The following CSMD2 variants were observed in gnomAD, a reference collection of about 807,000 sequenced individuals.
CSMD2 encodes CUB and sushi domain-containing protein 2.
In CSMD2, 130 loss-of-function variants were observed where a neutral mutation model predicts 398.5. The ratio of observed to expected loss-of-function variants is 0.33; its 90% CI spans 0.28 to 0.38. The LOEUF (loss-of-function observed/expected upper bound fraction) is 0.38. Among genes scored for constraint, CSMD2 ranks in the 10% least tolerant of loss-of-function variants. The pLI is 1.00. For missense variants in CSMD2, 3,829 were observed against 4,764.9 expected, an observed-to-expected ratio of 0.80 and a Z score of 5.78; for synonymous variants, 1,828 against 1,908.5, an observed-to-expected ratio of 0.96 and a Z score of 1.10.
At chr1:34,086,284 G>C (rs1361664946) in intron 2 of CSMD2, among the ~76,000 whole-genome samples, 1 of 152,168 alleles carries the variant, frequency 6.6e-6, no homozygotes, top group Non-Finnish European at 1.5e-5. Flanking sequence ...AAAATCTGAT[G>C]GAGAAGACTG....
intron 37 of CSMD2, among the ~76,000 whole-genome samples, chr1:33,620,279 C>T (rs575056802): frequency 6.6e-6 from 1 of 152,282 alleles, no homozygotes; most frequent in East Asian, 1.9e-4. Flanking sequence ...AAACCATTTG[C>T]CTGTACAATA....
chr1:33,541,946 C>G (rs1238379168), intron 58 of CSMD2, among the ~76,000 whole-genome samples: 4 of 152,162 alleles, frequency 2.6e-5, no homozygotes, highest in Non-Finnish European at 5.9e-5. Context: ...ACACAGGACT[C>G]CTAGGGACAA....
chr1:33,574,258 T>C (rs1020896422), intron 49 of CSMD2, among the ~76,000 whole-genome samples: 3 of 152,016 alleles, frequency 2.0e-5, no homozygotes, highest in Non-Finnish European at 4.4e-5. Context: ...AAAAGGAATC[T>C]CAAAGGGACA....
At chr1:33,539,506 T>C (rs34971911) in intron 60 of CSMD2, among the ~76,000 whole-genome samples, 4,927 of 152,304 alleles carry the variant, frequency 0.032, 133 homozygotes, top group Non-Finnish European at 0.054. Context: ...AAACAGTATG[T>C]ACAGCATGAG....
At chr1:34,041,322 G>T (rs938685705) in intron 2 of CSMD2, among the ~76,000 whole-genome samples, 20 of 152,166 alleles carry the variant, frequency 1.3e-4, no homozygotes, top group African/African-American at 4.8e-4. Flanking sequence ...GCCCAGTGTG[G>T]ACTGAGACCT....
Position 34,139,107 on chromosome 1 carries a change from TCC to T in CSMD2, c.187+25802_187+25803del, listed in dbSNP as rs1233667460. 5.9e-5 allele frequency among the ~76,000 whole-genome samples: 9 copies of T among 152,176 alleles called. No individual in the cohort carries two copies. The East Asian group carries it at 1.7e-3, about 29-fold the overall frequency. ...TACTACCATTTGAATGTTTGTCCCA[TCC>T]AAAACTTGTGCTGAAACTTAATCCC... On this transcript the variant is annotated intron_variant, in intron 1 of 70. Transcript: ENST00000373381.
Position 33,941,987 on chromosome 1 carries a change from C to A in CSMD2, c.518-6033G>T, listed in dbSNP as rs577832467. ...ACAGTGTAAGCTCCATAAGGACAGG[C>A]ATTTTTTGGTCTTTTTTGTTCAACG... On this transcript the variant is annotated intron_variant, in intron 3 of 70. Transcript: ENST00000373381. Among the ~76,000 whole-genome samples the A allele has an allele frequency of 3.3e-5, 5 of 152,128 alleles. No individual in the cohort carries two copies. In the East Asian group the frequency reaches 9.6e-4, roughly 29 times the overall value.
rs771512255 is a variant in CSMD2, at chr1:33,600,959, C to T, written c.6762G>A (p.Met2254Ile). The T allele has an allele frequency of 6.2e-7, 1 of 1,614,174 alleles. No individual in the cohort carries two copies. Among genetic ancestry groups the T allele is most frequent in the South Asian group, 1.1e-5 (1 of 91,070 alleles). The change falls in exon 44 of 71, where the codon ATG becomes ATA. Residue 2254 changes from methionine to isoleucine, a missense_variant. Physicochemically the swap from Met to Ile is conservative, Grantham distance 10. Transcript: ENST00000373381. ...APRLGVFTRS[M>I]AKKTVQSSSN... is the part of the protein sequence containing the mutation. ...ATGAACTCTGCACTGTTTTCTTGGCCATGCTCCGGGTGAAGACGCCGAGCC... is the reference window on the plus strand; with the variant it reads ...ATGAACTCTGCACTGTTTTCTTGGCTATGCTCCGGGTGAAGACGCCGAGCC...
intron 3 of CSMD2, among the ~76,000 whole-genome samples, chr1:33,962,352 T>A (rs1022710401): frequency 6.6e-6 from 1 of 151,976 alleles, no homozygotes; most frequent in African/African-American, 2.4e-5. Flanking sequence ...AGTTGGGGGT[T>A]TAGGGGGCCA....
intron 5 of CSMD2, among the ~76,000 whole-genome samples, chr1:33,869,768 CAGTT>C (rs984676080): frequency 2.0e-5 from 3 of 152,160 alleles, no homozygotes; most frequent in Admixed American, 1.3e-4. Flanking sequence ...AGACCATGCT[CAGTT>C]AGCCCTCCCC....
At chr1:33,706,795 TGTGTGC>T (rs1421161867) in intron 22 of CSMD2, among the ~76,000 whole-genome samples, 3 of 151,580 alleles carry the variant, frequency 2.0e-5, no homozygotes, top group Admixed American at 6.6e-5. Context: ...TACGTGTGTG[TGTGTGC>T]GCGTGCATGT....
At chr1:33,978,573 G>C (rs1007456589) in intron 3 of CSMD2, among the ~76,000 whole-genome samples, 1 of 152,178 alleles carries the variant, frequency 6.6e-6, no homozygotes, top group Non-Finnish European at 1.5e-5. Flanking sequence ...GTCTAAGTTT[G>C]ACACCTGAAG....
intron 25 of CSMD2, among the ~76,000 whole-genome samples, chr1:33,685,530 G>A (rs187932766): frequency 1.3e-5 from 2 of 152,262 alleles, no homozygotes. Flanking sequence ...TTATTATACT[G>A]AGAAATCCAT....
chr1:33,821,462 A>C (rs1202680913), intron 7 of CSMD2, among the ~76,000 whole-genome samples: 2 of 152,090 alleles, frequency 1.3e-5, no homozygotes, highest in Non-Finnish European at 2.9e-5. Context: ...GAGGAGTTCC[A>C]CTCAAAGCCT....
rs943009054 is a variant in CSMD2 at position 33,917,959 on chromosome 1, G to T, written c.920+135C>A. On this transcript the variant is annotated intron_variant, in intron 5 of 70. Transcript: ENST00000373381. ...CTTTTTCATTAGGATGAGATGAAAG[G>T]ACTCTAACAGTAGGTATAAGGAAGT... The T allele has an allele frequency of 1.3e-4, 86 of 659,300 alleles. No homozygotes were observed. In the African/African-American group the frequency reaches 1.5e-3, roughly 11 times the overall value. 40.8% of individuals were successfully genotyped at this position (659,300 alleles called of 1,614,324 possible). A position where few individuals can be genotyped will look rare whatever the true frequency, so the allele number is the denominator to read the frequency against.
intron 58 of CSMD2, among the ~76,000 whole-genome samples, chr1:33,542,210 GA>G (rs1195993415): frequency 6.6e-6 from 1 of 152,220 alleles, no homozygotes; most frequent in East Asian, 1.9e-4. Context: ...ACCCTTGAGA[GA>G]AGCAAGAAAT....
intron 57 of CSMD2, among the ~76,000 whole-genome samples, chr1:33,544,778 T>A (rs1656711098): frequency 6.6e-6 from 1 of 151,578 alleles, no homozygotes; most frequent in African/African-American, 2.4e-5. Flanking sequence ...GTCAAAAATG[T>A]ATTGTACTTG....
At chr1:33,700,725 G>T in intron 22 of CSMD2, 52 bp from the exon 23 acceptor site, 1 of 1,582,416 alleles carries the variant, frequency 6.3e-7, no homozygotes, top group South Asian at 1.1e-5. Flanking sequence ...GCCTTATGTT[G>T]AACAACACCT....
intron 48 of CSMD2, among the ~76,000 whole-genome samples, chr1:33,577,922 G>C (rs1638404538): frequency 1.3e-5 from 2 of 152,160 alleles, no homozygotes; most frequent in South Asian, 4.1e-4. Context: ...ACCAGTTTCT[G>C]TAACTTGGGG....
Sources: gnomAD v4.1 joint callset for allele counts (sites outside exome capture counted in the v4.1 genomes callset) on GRCh38, gnomAD v4.1.1 for gene constraint, MANE v1.5 for transcripts, NCBI Gene and HGNC (gene_info 2026-07-23, HGNC 2026-07-21) for gene names.